The following MEGF6 variants were observed in gnomAD, a reference collection of about 807,000 sequenced individuals.
MEGF6 encodes multiple EGF like domains 6, also known as multiple epidermal growth factor-like domains protein 6.
A neutral mutation model predicts 207.1 loss-of-function variants in MEGF6; 184 were observed. The observed-to-expected ratio is 0.89, with a 90% CI of 0.79 to 1.00. The LOEUF is 1.00. Among genes scored for constraint, MEGF6 ranks in the 50% least tolerant of loss-of-function variants. The probability of loss-of-function intolerance (pLI) is 0.00; values close to 1 mark genes in which losing one functional copy is unlikely to be tolerated. For synonymous variants in MEGF6, 1,038 were observed against 910.0 expected (o/e 1.14, Z -2.53); for missense variants, 2,282 against 2,202.9 (o/e 1.04, Z -0.72).
intron 5 of MEGF6, among the ~76,000 whole-genome samples, chr1:3,516,048 C>A (rs1641530645): frequency 6.6e-6 from 1 of 152,212 alleles, no homozygotes; most frequent in Non-Finnish European, 1.5e-5. Context: ...CAGGCTTGGC[C>A]CCCAGTTCCC....
intron 4 of MEGF6, among the ~76,000 whole-genome samples, chr1:3,550,226 A>G (rs886384526): frequency 1.3e-5 from 2 of 152,336 alleles, no homozygotes; most frequent in Admixed American, 1.3e-4. Flanking sequence ...CGGTGTGTGC[A>G]CACGCTCACA....
In MEGF6 at chr1:3,586,549, C is replaced by T. The variant is rs1028657128; in HGVS notation, c.377-6620G>A. On this transcript the variant is annotated intron_variant, in intron 3 of 36. Coordinates refer to ENST00000356575, the MANE Select transcript of MEGF6 (RefSeq NM_001409.4). Reference sequence around the variant, plus strand: ...TGTAGGGGTGGGGGTCACAGTGGGACAGCAGGTCCTGCCAGGCCATTTGTG... The same window carrying T: ...TGTAGGGGTGGGGGTCACAGTGGGATAGCAGGTCCTGCCAGGCCATTTGTG... 4.4e-4 allele frequency among the ~76,000 whole-genome samples: 67 copies of T among 152,018 alleles called. 2 individuals are homozygous for T. Among genetic ancestry groups the T allele is most frequent in the South Asian group, 1.2e-3 (6 of 4,824 alleles).
rs1189790400 is a variant in MEGF6 at position 3,490,713 on chromosome 1, TG to T, written c.4565-125del. On this transcript the variant is annotated intron_variant, in intron 36 of 36. Coordinates refer to ENST00000356575, the MANE Select transcript of MEGF6 (RefSeq NM_001409.4). The stretch of plus-strand genomic sequence containing the variant: ...TCAGCAGCTCAGCCCAGCAGGTGGG[TG>T]GGGCCCACCCATCCTTCCCAGCCTG... The T allele has an allele frequency of 9.5e-6, 9 of 944,662 alleles. No homozygotes were observed. The Middle Eastern group carries it at 1.1e-3, about 114-fold the overall frequency. 58.5% of individuals were successfully genotyped at this position (944,662 alleles called of 1,614,324 possible).
In MEGF6 at chr1:3,502,870, C is replaced by T. The variant is rs1234251822; in HGVS notation, c.2189-949G>A. On this transcript the variant is annotated intron_variant, in intron 17 of 36. Coordinates refer to ENST00000356575, the MANE Select transcript of MEGF6 (RefSeq NM_001409.4). ...CAGAGCATGAGGCTAGCCGGGAGCT[C>T]GGGTAGCAGCGAAGCCTCCCTGCCT... Among the ~76,000 whole-genome samples, 9 of 152,284 alleles carry T rather than the reference C, an allele frequency of 5.9e-5. No individual in the cohort carries two copies. The East Asian group carries it at 1.2e-3, about 20-fold the overall frequency.
chr1:3,505,737 A>T (rs1641090328), intron 15 of MEGF6, among the ~76,000 whole-genome samples, 181 bp from the exon 16 acceptor site: 1 of 152,102 alleles, frequency 6.6e-6, no homozygotes, highest in Non-Finnish European at 1.5e-5. Context: ...GGGATGGGTG[A>T]CCCCACCAGG....
chr1:3,568,778 C>CTA (rs1643419781), intron 4 of MEGF6, among the ~76,000 whole-genome samples: 1 of 152,118 alleles, frequency 6.6e-6, no homozygotes. Flanking sequence ...GTCCTCTGCA[C>CTA]CTTACAGAAG....
intron 4 of MEGF6, among the ~76,000 whole-genome samples, chr1:3,542,252 G>A (rs1642552994): frequency 1.3e-5 from 2 of 152,272 alleles, no homozygotes; most frequent in African/African-American, 4.8e-5. Flanking sequence ...GCCAAAGGCA[G>A]CACTGCTTCC....
Position 3,488,506 on chromosome 1 carries a change from T to C in MEGF6, c.*2022A>G, listed in dbSNP as rs1640229013. On this transcript the variant is annotated 3_prime_UTR_variant, in exon 37 of 37. Coordinates refer to ENST00000356575, the MANE Select transcript of MEGF6 (RefSeq NM_001409.4). ...TATCTCAGAGCACCCTCCTGGCTTCTTTCTCTTCTGGCTGGAGAACGTCTC... is the reference window on the plus strand; with the variant it reads ...TATCTCAGAGCACCCTCCTGGCTTCCTTCTCTTCTGGCTGGAGAACGTCTC... Among the ~76,000 whole-genome samples, 1 of 152,254 alleles carries C rather than the reference T, an allele frequency of 6.6e-6. No homozygotes were observed. Among genetic ancestry groups the C allele is most frequent in the Admixed American group, 6.5e-5 (1 of 15,282 alleles).
chr1:3,524,391 C>A (rs925307725), intron 4 of MEGF6, 145 bp from the exon 5 acceptor site: 2 of 1,049,500 alleles, frequency 1.9e-6, no homozygotes, highest in Non-Finnish European at 2.7e-6. Flanking sequence ...CCACATCTGC[C>A]GGAGACGCAG....
rs115504926 is a variant in MEGF6, at chr1:3,537,989, C to T, written c.482-13743G>A. On this transcript the variant is annotated intron_variant, in intron 4 of 36. Coordinates refer to ENST00000356575, the MANE Select transcript of MEGF6 (RefSeq NM_001409.4). ...CAAGGACAGGGCAGTGGTCAGTGTG[C>T]ACCTGCTGGCCCCCACTGCAGACAG... Among the ~76,000 whole-genome samples, 1,388 of 152,282 alleles carry T rather than the reference C, an allele frequency of 9.1e-3. 9 individuals are homozygous for T. The highest frequency in any genetic ancestry group is 0.014 in the Non-Finnish European group (939 of 68,002).
At chr1:3,612,095 G>A (rs1557437042), upstream of MEGF6, among the ~76,000 whole-genome samples, 2 of 152,214 alleles carry the variant, frequency 1.3e-5, no homozygotes, top group African/African-American at 4.8e-5. Context: ...CTTGAGGAGG[G>A]CGTGGCCAGC....
At chr1:3,563,743 C>T (rs1454555177) in intron 4 of MEGF6, among the ~76,000 whole-genome samples, 1 of 152,192 alleles carries the variant, frequency 6.6e-6, no homozygotes, top group Non-Finnish European at 1.5e-5. Context: ...TAAGGAGGCC[C>T]TGGGGTCAGC....
Position 3,499,558 on chromosome 1 carries a change from C to T in MEGF6, c.2965+30G>A, listed in dbSNP as rs200008790. On this transcript the variant is annotated intron_variant, in intron 23 of 36. Transcript: ENST00000356575. ...GAGGACCTGGCACCCCCTCCTGCAG[C>T]ACCCCGGGCTGAGCAGGGACCTCAC... 3.7e-4 allele frequency: 577 copies of T among 1,558,436 alleles called. 3 individuals are homozygous for T. The African/African-American group carries it at 6.3e-3, about 17-fold the overall frequency.
intron 4 of MEGF6, among the ~76,000 whole-genome samples, chr1:3,567,494 G>A (rs747310807): frequency 6.6e-6 from 1 of 152,136 alleles, no homozygotes. Context: ...GCTGCGTGTG[G>A]CGGGGATCCC....
chr1:3,541,079 C>A (rs765242979), intron 4 of MEGF6, among the ~76,000 whole-genome samples: 4 of 152,194 alleles, frequency 2.6e-5, no homozygotes, highest in Non-Finnish European at 5.9e-5. Flanking sequence ...CAGGCTGGGG[C>A]CCTGGACTTC....
At position 3,495,955 on chromosome 1, in the gene MEGF6, G is replaced by A. The variant is rs1158111778; in HGVS notation, c.3806C>T (p.Ala1269Val). Reference sequence around the variant, plus strand: ...GCAGGTGCCGGTCACAGGGTCGCAGGCCGCCCCCTGCCCACACCCACACAC... The same window carrying A: ...GCAGGTGCCGGTCACAGGGTCGCAGACCGCCCCCTGCCCACACCCACACAC... The part of the protein sequence containing the change: ...THVCGCGQGA[A>V]CDPVTGTCLC... Residue 1269 changes from alanine to valine, a missense_variant, in exon 30 of 37, where the codon GCC becomes GTC. Coordinates refer to ENST00000356575, the MANE Select transcript of MEGF6 (RefSeq NM_001409.4). 3 of 1,586,462 alleles carry A rather than the reference G, an allele frequency of 1.9e-6. No individual in the cohort carries two copies. Among genetic ancestry groups the A allele is most frequent in the Non-Finnish European group, 2.6e-6 (3 of 1,173,870 alleles).
Position 3,490,537 on chromosome 1 carries a change from C to T in MEGF6, c.4617G>A (p.Ala1539=), listed in dbSNP as rs12404355. The change falls in exon 37 of 37, where the codon GCG becomes GCA. Residue 1539 remains alanine, a synonymous_variant. Transcript: ENST00000356575. ...CACGGGACTGCCTCTACTAGTGCCT[C>T]GCTGGTCCACCGCTCCGGGATGTGG... ...SRPTSRSGGP[A]RH is the part of the protein sequence containing the mutation. 0.019 allele frequency: 31,108 copies of T among 1,613,048 alleles called. 386 individuals are homozygous for T. Among genetic ancestry groups the T allele is most frequent in the Non-Finnish European group, 0.024 (28,347 of 1,179,818 alleles).
At chr1:3,537,727 C>T (rs1017397888) in intron 4 of MEGF6, among the ~76,000 whole-genome samples, 12 of 152,340 alleles carry the variant, frequency 7.9e-5, no homozygotes, top group South Asian at 2.1e-4. Context: ...CCCACCCCTG[C>T]CCTGGGCACA....
At chr1:3,519,588 T>C (rs1641669997) in intron 5 of MEGF6, among the ~76,000 whole-genome samples, 1 of 152,234 alleles carries the variant, frequency 6.6e-6, no homozygotes, top group South Asian at 2.1e-4. Context: ...GAAGGCGCCT[T>C]ACTTGTCACC....
Sources: allele counts gnomAD v4.1 joint callset (sites outside exome capture counted in the v4.1 genomes callset), GRCh38; gene constraint gnomAD v4.1.1; transcripts MANE v1.5; gene names NCBI Gene and HGNC (gene_info 2026-07-23, HGNC 2026-07-21).